MTA1: variants seen among roughly 807,000 people sequenced by gnomAD.
MTA1 encodes the protein metastasis-associated protein MTA1.
In MTA1, 15 loss-of-function variants were observed where a neutral mutation model predicts 97.0. The observed-to-expected ratio is 0.15, with a 90% CI of 0.10 to 0.24. The LOEUF (loss-of-function observed/expected upper bound fraction) is 0.24, where lower values mean the gene tolerates loss of function less well. Ranked by LOEUF, MTA1 falls within the 10% of genes least tolerant of loss-of-function variation. MTA1 has a pLI of 1.00. For synonymous variants in MTA1, 435 were observed against 417.5 expected (o/e 1.04, Z -0.51); for missense variants, 709 against 1,015.1 (o/e 0.70, Z 4.10).
chr14:105,454,082 C>G (rs2083050560), intron 6 of MTA1, 111 bp from the exon 7 acceptor site: 6 of 768,696 alleles, frequency 7.8e-6, no homozygotes, highest in Non-Finnish European at 1.3e-5. Context: ...TGTCGCCCCA[C>G]AAGAGCTCTG....
At chr14:105,450,878 G>A (rs1438999366) in intron 6 of MTA1, among the ~76,000 whole-genome samples, 1 of 152,360 alleles carries the variant, frequency 6.6e-6, no homozygotes, top group African/African-American at 2.4e-5. Flanking sequence ...ACGGAGAGCG[G>A]TGGCACTGAG....
At chr14:105,468,794 G>A (rs587620811) in intron 18 of MTA1, among the ~76,000 whole-genome samples, 5 of 152,242 alleles carry the variant, frequency 3.3e-5, no homozygotes, top group Non-Finnish European at 7.3e-5. Flanking sequence ...ACACAGGGCA[G>A]TGGGGAAGGG....
At chr14:105,443,167 G>A (rs1053713269) in intron 2 of MTA1, among the ~76,000 whole-genome samples, 11 of 152,142 alleles carry the variant, frequency 7.2e-5, no homozygotes, top group Non-Finnish European at 1.3e-4. Flanking sequence ...GGGACAGCTC[G>A]ACCTGCAGGA....
At chr14:105,446,024 C>T (rs942523880) in intron 3 of MTA1, among the ~76,000 whole-genome samples, 12 of 152,162 alleles carry the variant, frequency 7.9e-5, no homozygotes, top group Non-Finnish European at 1.2e-4. Flanking sequence ...GCCAGCACAG[C>T]GTGTGGGAGG....
intron 18 of MTA1, chr14:105,467,437 G>A: frequency 6.6e-6 from 3 of 455,970 alleles, no homozygotes; most frequent in South Asian, 4.6e-5. Flanking sequence ...TATGGGTAGT[G>A]GCTGCCCAGC....
chr14:105,467,462 C>T (rs1476647376), intron 18 of MTA1: 1 of 455,992 alleles, frequency 2.2e-6, no homozygotes, highest in South Asian at 1.5e-5. Flanking sequence ...CCAACCCTGT[C>T]CCCTTGGGGC....
At chr14:105,455,094 CAG>C (rs1444673757) in intron 7 of MTA1, among the ~76,000 whole-genome samples, 1 of 152,070 alleles carries the variant, frequency 6.6e-6, no homozygotes, top group Non-Finnish European at 1.5e-5. Flanking sequence ...TTATTAGAGA[CAG>C]GGTTTCGCCA....
At position 105,464,816 on chromosome 14, in the gene MTA1, C is replaced by G. The variant is rs782048579; in HGVS notation, c.1487C>G (p.Ala496Gly). ...CREILRPWHA[A>G]RHPYLPINSA... ...GAGATCCTGCGCCCGTGGCACGCTG[C>G]GCGGCACCCCTACCTGCCCATCAAC... The change falls in exon 15 of 21, where the codon GCG becomes GGG. Residue 496 changes from alanine to glycine, a missense_variant. Around this residue, in one of 2 missense-constraint regions of MTA1, gnomAD observed 388 missense variants for 421.6 expected, o/e 0.92. Transcript: ENST00000331320. The G allele has an allele frequency of 2.5e-6, 4 of 1,600,234 alleles. No homozygotes were observed. Among genetic ancestry groups the G allele is most frequent in the Non-Finnish European group, 3.4e-6 (4 of 1,170,840 alleles).
chr14:105,449,272 C>T (rs2082830219), intron 3 of MTA1, 87 bp from the exon 4 acceptor site: 11 of 1,407,818 alleles, frequency 7.8e-6, no homozygotes, highest in Non-Finnish European at 1.1e-5. Flanking sequence ...CCCCTGGCGG[C>T]ACAGCCCTCG....
chr14:105,449,224 G>A (rs1391204550), intron 3 of MTA1, 135 bp from the exon 4 acceptor site: 15 of 776,696 alleles, frequency 1.9e-5, no homozygotes, highest in Admixed American at 9.4e-5. Context: ...TGGTCTTCAC[G>A]CCCCACCGGG....
chr14:105,468,382 G>T, intron 18 of MTA1: 1 of 1,303,772 alleles, frequency 7.7e-7, no homozygotes, highest in Non-Finnish European at 1.0e-6. Flanking sequence ...GCCAGCCCTG[G>T]GCGCTGGGCC....
intron 1 of MTA1, among the ~76,000 whole-genome samples, chr14:105,429,403 A>G (rs1463506498): frequency 2.0e-5 from 3 of 151,178 alleles, no homozygotes; most frequent in Non-Finnish European, 4.4e-5. Flanking sequence ...CTCCTGCCTC[A>G]GCCTCCCAAG....
At chr14:105,423,085 C>T (rs1282769194) in intron 1 of MTA1, among the ~76,000 whole-genome samples, 3 of 152,174 alleles carry the variant, frequency 2.0e-5, no homozygotes, top group African/African-American at 7.2e-5. Context: ...TCGGTGCCTG[C>T]CAGCCGCCTG....
chr14:105,466,314 T>C (rs2083581139), intron 16 of MTA1, 112 bp from the exon 17 acceptor site: 2 of 978,858 alleles, frequency 2.0e-6, no homozygotes, highest in African/African-American at 1.6e-5. Flanking sequence ...GGGGGCCGCA[T>C]GGGGCTTAGT....
chr14:105,449,638 T>C (rs1407517441), intron 4 of MTA1, among the ~76,000 whole-genome samples: 1 of 152,098 alleles, frequency 6.6e-6, no homozygotes, highest in Non-Finnish European at 1.5e-5. Context: ...TGGTGGGCTG[T>C]ATGGGGCTGT....
At chr14:105,446,744 G>A (rs983044014) in intron 3 of MTA1, among the ~76,000 whole-genome samples, 9 of 152,214 alleles carry the variant, frequency 5.9e-5, no homozygotes, top group Non-Finnish European at 1.2e-4. Flanking sequence ...GGATGCGGAC[G>A]TGAGCTGCCC....
In MTA1 at chr14:105,432,237, T is replaced by A. The variant is rs374634013; in HGVS notation, c.29-6435T>A. Reference sequence around the variant, plus strand: ...GTTCTATTGCTTTTTTATTTTTATTTTTTATTTATTTATTTATTTTTGAGA... The same window carrying A: ...GTTCTATTGCTTTTTTATTTTTATTATTTATTTATTTATTTATTTTTGAGA... On this transcript the variant is annotated intron_variant, in intron 1 of 20. Transcript: ENST00000331320. Among the ~76,000 whole-genome samples the A allele has an allele frequency of 8.5e-4, 129 of 152,032 alleles. 1 individual carries two copies. The highest frequency in any genetic ancestry group is 5.8e-4 in the East Asian group (3 of 5,206).
At chr14:105,449,081 G>T in intron 3 of MTA1, 1 of 430,894 alleles carries the variant, frequency 2.3e-6, no homozygotes, top group Non-Finnish European at 4.1e-6. Context: ...CAGTGGAGTG[G>T]GGGCAGGGGT....
At chr14:105,423,361 C>T (rs1380186891) in intron 1 of MTA1, among the ~76,000 whole-genome samples, 1 of 151,728 alleles carries the variant, frequency 6.6e-6, no homozygotes, top group African/African-American at 2.4e-5. Context: ...TGGGACTAGC[C>T]AGGCGCCACC....
Sources: gnomAD v4.1 joint callset for allele counts (sites outside exome capture counted in the v4.1 genomes callset) on GRCh38, gnomAD v4.1.1 for gene constraint, gnomAD v4.1.1 regional missense constraint, MANE v1.5 for transcripts, NCBI Gene and HGNC (gene_info 2026-07-23, HGNC 2026-07-21) for gene names.